Variants in DEAF1 observed in about 807,000 individuals in gnomAD.
DEAF1 encodes DEAF1 transcription factor, also known as deformed epidermal autoregulatory factor 1 homolog.
DEAF1 carries 53 observed loss-of-function variants against 58.9 expected under a neutral mutation model. The observed-to-expected ratio is 0.90, with a 90% CI of 0.72 to 1.13. The LOEUF (loss-of-function observed/expected upper bound fraction) is 1.13, where lower values mean the gene tolerates loss of function less well. DEAF1 is among the 50% of genes most tolerant of loss of function. DEAF1 has a pLI of 0.00. For synonymous variants in DEAF1, 385 were observed against 340.4 expected (o/e 1.13, Z -1.44); for missense variants, 685 against 791.4 (o/e 0.87, Z 1.61).
chr11:655,713 T>G (rs1460007876), intron 10 of DEAF1, among the ~76,000 whole-genome samples: 1 of 152,000 alleles, frequency 6.6e-6, no homozygotes, highest in South Asian at 2.1e-4. Flanking sequence ...CTTTAACATT[T>G]TTCCAGTTGT....
chr11:690,525 G>A lies in DEAF1; in HGVS notation c.387+976C>T, dbSNP rs1049528129. Among the ~76,000 whole-genome samples the A allele has an allele frequency of 9.9e-5, 15 of 151,550 alleles. No homozygotes were observed. In the East Asian group the frequency reaches 1.4e-3, roughly 14 times the overall value. On this transcript the variant is annotated intron_variant, in intron 2 of 11. Transcript: ENST00000382409. ...TCCCAGCACTTTGGGAGGTCAAGGCGGGCACCTGAGGTCAGGAGTTTGAGG... is the reference window on the plus strand; with the variant it reads ...TCCCAGCACTTTGGGAGGTCAAGGCAGGCACCTGAGGTCAGGAGTTTGAGG...
rs543959932 is a variant in DEAF1 at position 674,198 on chromosome 11, C to G, written c.1503+338G>C. 2.9e-4 allele frequency: 104 copies of G among 355,738 alleles called. No homozygotes were observed. The East Asian group carries it at 6.9e-3, about 23-fold the overall frequency. 22.0% of individuals were successfully genotyped at this position (355,738 alleles called of 1,614,324 possible). ...GACTCAATAGATGATGTTCTCCAAACTTCATAAAATATAAGCACATTTCAC... is the reference window on the plus strand; with the variant it reads ...GACTCAATAGATGATGTTCTCCAAAGTTCATAAAATATAAGCACATTTCAC... On this transcript the variant is annotated intron_variant, in intron 10 of 11. Transcript: ENST00000382409.
chr11:645,298 T>C (rs1436064023), intron 11 of DEAF1, among the ~76,000 whole-genome samples: 1 of 152,134 alleles, frequency 6.6e-6, no homozygotes, highest in African/African-American at 2.4e-5. Flanking sequence ...ATATGTAAAT[T>C]ACGATCAAGT....
intron 6 of DEAF1, 94 bp from the exon 7 acceptor site, chr11:681,183 G>A (rs1186163192): frequency 3.2e-6 from 5 of 1,556,124 alleles, no homozygotes; most frequent in East Asian, 2.2e-5. Context: ...CGCGGGGTGT[G>A]TGAGTCACAT....
At chr11:671,574 C>T (rs1488789152) in intron 10 of DEAF1, among the ~76,000 whole-genome samples, 3 of 150,830 alleles carry the variant, frequency 2.0e-5, no homozygotes, top group South Asian at 2.1e-4. Context: ...ACTTTTCTTC[C>T]TTGAAAGAAA....
chr11:648,604 T>C (rs1858610989), intron 11 of DEAF1, among the ~76,000 whole-genome samples: 1 of 152,154 alleles, frequency 6.6e-6, no homozygotes, highest in Non-Finnish European at 1.5e-5. Flanking sequence ...GTGTTCGTTC[T>C]GTAGGTGAAA....
At chr11:689,909 C>A (rs1860755159) in intron 2 of DEAF1, 1 of 152,096 alleles carries the variant, frequency 6.6e-6, no homozygotes, top group African/African-American at 2.4e-5. Flanking sequence ...TGGGCTTCAG[C>A]CCCTCCTAGG....
chr11:655,643 C>A (rs1426290423), intron 10 of DEAF1, among the ~76,000 whole-genome samples: 1 of 152,200 alleles, frequency 6.6e-6, no homozygotes, highest in Non-Finnish European at 1.5e-5. Flanking sequence ...CCCCTGCACG[C>A]GTGCAGACCT....
Position 688,022 on chromosome 11 carries a change from G to A in DEAF1, c.553C>T (p.Gln185Ter), listed in dbSNP as rs1860672898. The change falls in exon 4 of 12, where the codon CAA becomes TAA. Residue 185 changes from glutamine (Q) to a stop codon, truncating the protein, a stop_gained. Transcript: ENST00000382409. LOFTEE classifies it high-confidence loss of function. The surrounding 1 kb of genome is among the most constrained non-coding windows in gnomAD (Gnocchi z 4.3). ...TTGTATTTAGTTCCACCTTTTTCTT[G>A]GCCGGGAGCCAGAGGGGTTGGAGGA... ...QSPPTPLAPG[Q>*]EKGGTKYNWD... The A allele has an allele frequency of 6.2e-7, 1 of 1,613,842 alleles. No individual in the cohort carries two copies. The highest frequency in any genetic ancestry group is 1.7e-5 in the Admixed American group (1 of 59,980).
rs1434512719 is a variant in DEAF1 at position 688,512 on chromosome 11, T to A, written c.388-52A>T. On this transcript the variant is annotated intron_variant, in intron 2 of 11. Transcript: ENST00000382409. The surrounding 1 kb of genome is among the most constrained non-coding windows in gnomAD (Gnocchi z 4.3). ...TCACGTCCGAGAGTGACACCAGGCG[T>A]GTCACTGAGCCCAGCTGGGCCGTCC... 1 of 1,610,836 alleles carries A rather than the reference T, an allele frequency of 6.2e-7. No individual in the cohort carries two copies. The highest frequency in any genetic ancestry group is 2.2e-5 in the East Asian group (1 of 44,850).
At chr11:661,459 C>T (rs1016245476) in intron 10 of DEAF1, among the ~76,000 whole-genome samples, 2 of 152,042 alleles carry the variant, frequency 1.3e-5, no homozygotes, top group African/African-American at 4.8e-5. Flanking sequence ...CCTGTAATCC[C>T]AGCACTTTGG....
At chr11:679,240 G>A (rs959682738) in intron 8 of DEAF1, among the ~76,000 whole-genome samples, 1 of 151,894 alleles carries the variant, frequency 6.6e-6, no homozygotes, top group African/African-American at 2.4e-5. Context: ...GTGTGAACCC[G>A]GGAGGCGGAG....
At chr11:702,964 A>G (rs1861564888) in intron 1 of DEAF1, 2 of 1,609,480 alleles carry the variant, frequency 1.2e-6, no homozygotes, top group Non-Finnish European at 1.7e-6. Context: ...GCAACCTGAC[A>G]GAGGCTGAGA....
At position 680,982 on chromosome 11, in the gene DEAF1, T is replaced by C. The variant is rs765842801; in HGVS notation, c.978A>G (p.Pro326=). Residue 326 remains proline (P), a synonymous_variant, in exon 7 of 12, where the codon CCA becomes CCG. Transcript: ENST00000382409. Reference sequence around the variant, plus strand: ...ACTCACAGGTGGTAGCCGCGGTGGCTGGAAGCAATGTGATGTTCTTGGGGG... The same window carrying C: ...ACTCACAGGTGGTAGCCGCGGTGGCCGGAAGCAATGTGATGTTCTTGGGGG... ...KDSPKNITLL[P]ATAATTFTVT... The C allele has an allele frequency of 6.2e-7, 1 of 1,614,140 alleles. No homozygotes were observed. The highest frequency in any genetic ancestry group is 1.1e-5 in the South Asian group (1 of 91,080).
upstream of DEAF1, among the ~76,000 whole-genome samples, chr11:697,077 G>T (rs1372003284): frequency 6.8e-6 from 1 of 147,402 alleles, no homozygotes; most frequent in Non-Finnish European, 1.5e-5. Context: ...TGCAGCCTGG[G>T]CAACAAGAGC....
chr11:686,948 G>A lies in DEAF1; in HGVS notation c.714C>T (p.Thr238=), dbSNP rs372643492. 16 of 1,614,022 alleles carry A rather than the reference G, an allele frequency of 9.9e-6. No homozygotes were observed. The highest frequency in any genetic ancestry group is 6.7e-5 in the Admixed American group (4 of 59,998). Residue 238 remains threonine, a synonymous_variant, in exon 5 of 12, where the codon ACC becomes ACT. Coordinates refer to ENST00000382409, the MANE Select transcript of DEAF1 (RefSeq NM_021008.4). The stretch of plus-strand genomic sequence containing the variant: ...CTCTTCCTGCCATGGCCTCAAACTC[G>A]GTGGGACTGTACCAGTTCTCCCCCT... The part of the protein sequence containing the change: ...IKQGENWYSP[T]EFEAMAGRAS...
In DEAF1 at chr11:658,314, G is replaced by A. The variant is rs570715928; in HGVS notation, c.1504-4263C>T. ...CGTGTTGGCGGGTGCCTGTACTCCCGGCTACTCGCGAGGCTAAGGCAGGAG... is the reference window on the plus strand; with the variant it reads ...CGTGTTGGCGGGTGCCTGTACTCCCAGCTACTCGCGAGGCTAAGGCAGGAG... On this transcript the variant is annotated intron_variant, in intron 10 of 11. Transcript: ENST00000382409. Among the ~76,000 whole-genome samples, 39 of 152,220 alleles carry A rather than the reference G, an allele frequency of 2.6e-4. No homozygotes were observed. The South Asian group carries it at 5.8e-3, about 23-fold the overall frequency.
At chr11:692,186 A>G (rs1328349139) in intron 1 of DEAF1, 1 of 178,732 alleles carries the variant, frequency 5.6e-6, no homozygotes, top group East Asian at 1.4e-4. Context: ...CCCCTACAAC[A>G]TGGAACTCAG....
At chr11:699,014 GTGTTCCTTGACAGATT>G (rs1381963210), upstream of DEAF1, 1 of 1,155,890 alleles carries the variant, frequency 8.7e-7, no homozygotes, top group African/African-American at 1.5e-5. Context: ...GGAGAGGGGG[GTGTTCCTTGACAGATT>G]TAGAGAGTTG....
Sources: allele counts gnomAD v4.1 joint callset (sites outside exome capture counted in the v4.1 genomes callset), GRCh38; gene constraint gnomAD v4.1.1; non-coding constraint Gnocchi (gnomAD v3.1); transcripts MANE v1.5; gene names NCBI Gene and HGNC (gene_info 2026-07-23, HGNC 2026-07-21).